The following RASAL3 variants were observed in gnomAD, a reference collection of about 807,000 sequenced individuals.
The protein encoded by RASAL3 is RAS protein activator like 3.
A neutral mutation model predicts 105.5 loss-of-function variants in RASAL3; 74 were observed. That is an observed-to-expected ratio of 0.70 (90% CI 0.58 to 0.85). The LOEUF (loss-of-function observed/expected upper bound fraction) is 0.85. RASAL3 is among the 40% of genes least tolerant of loss of function. The probability of loss-of-function intolerance (pLI) is 0.00; values close to 1 mark genes in which losing one functional copy is unlikely to be tolerated. For synonymous variants in RASAL3, 579 were observed against 591.6 expected (o/e 0.98, Z 0.31); for missense variants, 1,352 against 1,392.0 (o/e 0.97, Z 0.46).
Position 15,457,120 on chromosome 19 carries a change from C to G in RASAL3, c.1431+172G>C, listed in dbSNP as rs1330159259. Among the ~76,000 whole-genome samples the G allele has an allele frequency of 6.6e-6, 1 of 152,050 alleles. No homozygotes were observed. Among genetic ancestry groups the G allele is most frequent in the South Asian group, 2.1e-4 (1 of 4,832 alleles). On this transcript the variant is annotated intron_variant, in intron 9 of 17. Coordinates refer to ENST00000343625, the MANE Select transcript of RASAL3 (RefSeq NM_022904.3). The surrounding 1 kb of genome is among the most constrained non-coding windows in gnomAD (Gnocchi z 8.6). Reference sequence around the variant, plus strand: ...GGCCCCGCCCTTCTAGGTGCCCCGCCCTTCTAGGTGCCCCGCCGCTTACAG... The same window carrying G: ...GGCCCCGCCCTTCTAGGTGCCCCGCGCTTCTAGGTGCCCCGCCGCTTACAG...
At position 15,456,726 on chromosome 19, in the gene RASAL3, C is replaced by T. The variant is rs958577970; in HGVS notation, c.1432-80G>A. 7 of 1,512,794 alleles carry T rather than the reference C, an allele frequency of 4.6e-6. No homozygotes were observed. Among genetic ancestry groups the T allele is most frequent in the Non-Finnish European group, 6.2e-6 (7 of 1,121,332 alleles). The allele number at this position is 1,512,794 out of a possible 1,614,324, so 93.7% of individuals were successfully genotyped here. A position where few individuals can be genotyped will look rare whatever the true frequency, so the allele number is the denominator to read the frequency against. ...TCGGATCCTTGGCTGGTCCCTCACA[C>T]CAGAGGCACAGGCCCCGCCCCTTGT... On this transcript the variant is annotated intron_variant, in intron 9 of 17. Coordinates refer to ENST00000343625, the MANE Select transcript of RASAL3 (RefSeq NM_022904.3). The surrounding 1 kb of genome is among the most constrained non-coding windows in gnomAD (Gnocchi z 4.4).
At chr19:15,460,317 C>A in intron 5 of RASAL3, 59 bp from the exon 6 acceptor site, 1 of 1,505,188 alleles carries the variant, frequency 6.6e-7, no homozygotes, top group Non-Finnish European at 9.1e-7. Flanking sequence ...AGCTCCTTCC[C>A]TCCCAAGACA....
intron 2 of RASAL3, among the ~76,000 whole-genome samples, chr19:15,463,567 A>G (rs1970577725): frequency 6.6e-6 from 1 of 152,180 alleles, no homozygotes; most frequent in Non-Finnish European, 1.5e-5. Context: ...AATGAATATG[A>G]GCAAATAAAA....
chr19:15,459,990 T>C (rs1568332131), intron 6 of RASAL3, among the ~76,000 whole-genome samples: 1 of 152,192 alleles, frequency 6.6e-6, no homozygotes, highest in Non-Finnish European at 1.5e-5. Flanking sequence ...GACCAGTTGA[T>C]TGACTTAGCT....
In RASAL3 at chr19:15,451,881, T is replaced by A; in HGVS notation, c.2950A>T (p.Ser984Cys). ...TQAQLRDAVQ[S>C]LQLSPRTRGS... ...CGCGTCCTTGGAGAAAGCTGCAGGC[T>A]CTGGACAGCATCCCTCAGCTGAGCC... is the stretch of plus-strand genomic sequence containing the variant. Residue 984 changes from serine (S) to cysteine (C), a missense_variant, in exon 18 of 18, where the codon AGC becomes TGC. Transcript: ENST00000343625. 1 of 1,609,752 alleles carries A rather than the reference T, an allele frequency of 6.2e-7. No individual in the cohort carries two copies. Among genetic ancestry groups the A allele is most frequent in the South Asian group, 1.1e-5 (1 of 90,996 alleles).
At chr19:15,455,359 G>T (rs1970285276) in intron 11 of RASAL3, among the ~76,000 whole-genome samples, 1 of 152,288 alleles carries the variant, frequency 6.6e-6, no homozygotes, top group Non-Finnish European at 1.5e-5. Flanking sequence ...GAGGTCAAGG[G>T]ATTGGAATCC....
intron 2 of RASAL3, among the ~76,000 whole-genome samples, chr19:15,463,617 A>G (rs1183271645): frequency 6.6e-6 from 1 of 152,144 alleles, no homozygotes; most frequent in Non-Finnish European, 1.5e-5. Flanking sequence ...TTCTCACTGA[A>G]CTGATGGAGA....
Position 15,452,113 on chromosome 19 carries a change from G to C in RASAL3, c.2829-5C>G. On this transcript the variant is annotated splice_region_variant and splice_polypyrimidine_tract_variant and intron_variant, in intron 16 of 17. Transcript: ENST00000343625. ...TCTGAATCAAACTCTGAGCTCCTGT[G>C]GGGGTCGGGGGATTGGGGCGAAGGG... The C allele has an allele frequency of 6.2e-7, 1 of 1,613,798 alleles. No homozygotes were observed. The highest frequency in any genetic ancestry group is 8.5e-7 in the Non-Finnish European group (1 of 1,179,828).
Position 15,452,113 on chromosome 19 carries a change from G to A in RASAL3, c.2829-5C>T, listed in dbSNP as rs1378703868. On this transcript the variant is annotated splice_region_variant and splice_polypyrimidine_tract_variant and intron_variant, in intron 16 of 17. Coordinates refer to ENST00000343625, the MANE Select transcript of RASAL3 (RefSeq NM_022904.3). ...TCTGAATCAAACTCTGAGCTCCTGT[G>A]GGGGTCGGGGGATTGGGGCGAAGGG... 3.1e-6 allele frequency: 5 copies of A among 1,613,680 alleles called. No homozygotes were observed. In the Admixed American group the frequency reaches 5.0e-5, roughly 16 times the overall value.
intron 8 of RASAL3, 22 bp downstream of exon 8, chr19:15,458,306 C>T: frequency 6.2e-7 from 1 of 1,607,738 alleles, no homozygotes; most frequent in East Asian, 2.2e-5. Context: ...TCTCCGTGTC[C>T]CGCTTTTCTG....
chr19:15,454,360 C>G lies in RASAL3; in HGVS notation c.2160+1G>C. On this transcript the variant is annotated splice_donor_variant, in intron 13 of 17. Coordinates refer to ENST00000343625, the MANE Select transcript of RASAL3 (RefSeq NM_022904.3). LOFTEE classifies it high-confidence loss of function. ...CTCCCTACTCTGGGTTCAGGCCATACCTGGTCAAGCTCAGCAAAAATTGTA... is the reference window on the plus strand; with the variant it reads ...CTCCCTACTCTGGGTTCAGGCCATAGCTGGTCAAGCTCAGCAAAAATTGTA... The G allele has an allele frequency of 6.2e-7, 1 of 1,609,192 alleles. No homozygotes were observed. The highest frequency in any genetic ancestry group is 8.5e-7 in the Non-Finnish European group (1 of 1,177,586).
Position 15,456,336 on chromosome 19 carries a change from C to G in RASAL3, c.1577-88G>C. 6.4e-7 allele frequency: 1 copy of G among 1,559,416 alleles called. No homozygotes were observed. ...CCTCCAACCTTGTCTTCAGGTTATT[C>G]CGGAGGCACCCAACATCTTGGGGAG... On this transcript the variant is annotated intron_variant, in intron 10 of 17. Transcript: ENST00000343625. The surrounding 1 kb of genome is among the most constrained non-coding windows in gnomAD (Gnocchi z 4.4).
chr19:15,458,053 C>A (rs2145474208), intron 8 of RASAL3: 2 of 641,004 alleles, frequency 3.1e-6, no homozygotes, highest in Middle Eastern at 4.2e-4. Context: ...GGCTCCAGGG[C>A]ATACAAGAGT....
chr19:15,461,383 C>T, intron 3 of RASAL3, 87 bp from the exon 4 acceptor site: 2 of 1,524,728 alleles, frequency 1.3e-6, no homozygotes, highest in South Asian at 2.4e-5. Context: ...GACACCTTCC[C>T]ATTATCCTCC....
At chr19:15,462,925 T>C (rs1970555110) in intron 2 of RASAL3, among the ~76,000 whole-genome samples, 1 of 151,270 alleles carries the variant, frequency 6.6e-6, no homozygotes. Context: ...CACTCCAGCC[T>C]GGGCAACAGA....
intron 15 of RASAL3, 133 bp downstream of exon 15, chr19:15,452,974 A>C (rs1417644899): frequency 1.4e-6 from 2 of 1,480,224 alleles, no homozygotes; most frequent in Non-Finnish European, 1.8e-6. Context: ...AAGCTCAGAG[A>C]GGGTCGGGCT....
chr19:15,462,389 G>A (rs1454706267), intron 2 of RASAL3, among the ~76,000 whole-genome samples: 4 of 152,088 alleles, frequency 2.6e-5, no homozygotes, highest in African/African-American at 7.2e-5. Flanking sequence ...AGGAGGCTGA[G>A]GCAGGAGAAT....
Position 15,461,417 on chromosome 19 carries a change from C to CCCT in RASAL3, c.465+51_465+53dup, listed in dbSNP as rs1970506213. ...CCCTCCAGCCCCTGCCTCTGTTCTG[C>CCCT]CCTCCTCCTTTTTCTTTCTTCCCTC... On this transcript the variant is annotated intron_variant, in intron 3 of 17. Transcript: ENST00000343625. The CCCT allele has an allele frequency of 3.9e-6, 6 of 1,532,082 alleles. No homozygotes were observed. The Admixed American group carries it at 8.1e-5, about 21-fold the overall frequency. The allele number at this position is 1,532,082 out of a possible 1,614,324, so 94.9% of individuals were successfully genotyped here.
chr19:15,455,724 G>A (rs1970293698), intron 11 of RASAL3, among the ~76,000 whole-genome samples: 3 of 152,204 alleles, frequency 2.0e-5, no homozygotes, highest in African/African-American at 7.2e-5. Context: ...GCTGTGGCAT[G>A]ATCATAGCTC....
Sources: gnomAD v4.1 joint callset for allele counts (sites outside exome capture counted in the v4.1 genomes callset) on GRCh38, gnomAD v4.1.1 for gene constraint, Gnocchi (gnomAD v3.1) non-coding constraint, MANE v1.5 for transcripts, NCBI Gene and HGNC (gene_info 2026-07-23, HGNC 2026-07-21) for gene names.